Variants in SLC5A5 observed in about 807,000 individuals in gnomAD.
The protein encoded by SLC5A5 is solute carrier family 5 member 5.
In SLC5A5, 56 loss-of-function variants were observed where a neutral mutation model predicts 68.6. The observed-to-expected ratio is 0.82, with a 90% confidence interval of 0.66 to 1.02. SLC5A5 has a LOEUF of 1.02. Among genes scored for constraint, SLC5A5 ranks in the 50% least tolerant of loss-of-function variants. The pLI, the probability that SLC5A5 is intolerant of heterozygous loss-of-function variation, is 0.00. For missense variants in SLC5A5, 807 were observed against 859.8 expected (o/e 0.94, Z 0.77); for synonymous variants, 398 against 373.0 (o/e 1.07, Z -0.77).
chr19:17,889,314 G>A (rs958286049), intron 13 of SLC5A5, among the ~76,000 whole-genome samples: 1 of 151,802 alleles, frequency 6.6e-6, no homozygotes, highest in African/African-American at 2.4e-5. Flanking sequence ...TAAGGGAATC[G>A]CTTGATCCTG....
chr19:17,893,029 G>A (rs9676273), intron 14 of SLC5A5, among the ~76,000 whole-genome samples: 2 of 120,280 alleles, frequency 1.7e-5, no homozygotes, highest in Non-Finnish European at 3.6e-5. Flanking sequence ...CTCTTTTTTT[G>A]TTCTTTATTA....
chr19:17,894,143 CTTTTTTTTTTT>C lies in SLC5A5; in HGVS notation c.*278_*288del. The C allele has an allele frequency of 1.1e-5, 3 of 262,702 alleles. No individual in the cohort carries two copies. The highest frequency in any genetic ancestry group is 5.7e-5 in the Admixed American group (1 of 17,496). 16.3% of individuals were successfully genotyped at this position (262,702 alleles called of 1,614,324 possible). On this transcript the variant is annotated 3_prime_UTR_variant, in exon 15 of 15. Coordinates refer to ENST00000222248, the MANE Select transcript of SLC5A5 (RefSeq NM_000453.3). ...AATAAGGCTGGGTTTTTCTCTCTCT[CTTTTTTTTTTT>C]TTTTTTTTTTTGAGACAGGGTCATG...
At position 17,882,265 on chromosome 19, in the gene SLC5A5, G is replaced by A. The variant is rs376488493; in HGVS notation, c.1242+46G>A. ...TGCCCTGGTCTCCTGAGAGGTGGGG[G>A]CACCTTTCCCTCTTTCCCATTAAAC... On this transcript the variant is annotated intron_variant, in intron 10 of 14. Coordinates refer to ENST00000222248, the MANE Select transcript of SLC5A5 (RefSeq NM_000453.3). 1.9e-5 allele frequency: 28 copies of A among 1,466,596 alleles called. 1 individual carries two copies. Among genetic ancestry groups the A allele is most frequent in the Middle Eastern group, 4.2e-4 (2 of 4,710 alleles). The allele number at this position is 1,466,596 out of a possible 1,614,324, so 90.8% of individuals were successfully genotyped here. A position where few individuals can be genotyped will look rare whatever the true frequency, so the allele number is the denominator to read the frequency against.
Position 17,877,966 on chromosome 19 carries a change from C to A in SLC5A5, c.842C>A (p.Ala281Asp), listed in dbSNP as rs538646910. ...ACRTEKQAKL[A>D]LLINQVGLFL... Reference sequence around the variant, plus strand: ...CCTGAGGCTGCCTCTTCCCCCAGGGCCCTGCTCATCAACCAGGTCGGCCTG... The same window carrying A: ...CCTGAGGCTGCCTCTTCCCCCAGGGACCTGCTCATCAACCAGGTCGGCCTG... Residue 281 changes from alanine to aspartate, a missense_variant and splice_region_variant, in exon 7 of 15, where the codon GCC becomes GAC. By Grantham distance (126) the Ala-to-Asp change is moderately radical (BLOSUM62 -2). Transcript: ENST00000222248. 1.2e-6 allele frequency: 2 copies of A among 1,613,482 alleles called. No individual in the cohort carries two copies. Among genetic ancestry groups the A allele is most frequent in the East Asian group, 2.2e-5 (1 of 44,896 alleles).
At chr19:17,876,487 G>C (rs1468654115) in intron 5 of SLC5A5, among the ~76,000 whole-genome samples, 3 of 151,946 alleles carry the variant, frequency 2.0e-5, no homozygotes, top group African/African-American at 7.3e-5. Context: ...CAGCACTTTG[G>C]GAGGCCAAGG....
At chr19:17,877,187 A>AGAGTTTTTAAGTGCCTTT in intron 5 of SLC5A5, among the ~76,000 whole-genome samples, 1 of 151,900 alleles carries the variant, frequency 6.6e-6, no homozygotes, top group Non-Finnish European at 1.5e-5. Flanking sequence ...TCAGCTGGGC[A>AGAGTTTTTAAGTGCCTTT]AAGAAAGGTT....
At position 17,880,964 on chromosome 19, in the gene SLC5A5, C is replaced by T. The variant is rs943575353; in HGVS notation, c.1058+11C>T. 6 of 1,603,366 alleles carry T rather than the reference C, an allele frequency of 3.7e-6. No homozygotes were observed. Among genetic ancestry groups the T allele is most frequent in the Non-Finnish European group, 4.3e-6 (5 of 1,170,418 alleles). ...CAGTGGCACCCTCAGGTGAGCACCC[C>T]TGCTTGTTCATGGAGCATTATTTCA... On this transcript the variant is annotated intron_variant, in intron 8 of 14. Coordinates refer to ENST00000222248, the MANE Select transcript of SLC5A5 (RefSeq NM_000453.3).
intron 5 of SLC5A5, among the ~76,000 whole-genome samples, chr19:17,877,292 T>A (rs1420963051): frequency 6.6e-6 from 1 of 151,896 alleles, no homozygotes; most frequent in African/African-American, 2.4e-5. Flanking sequence ...CATTTATTAT[T>A]TATTTATTTT....
At position 17,883,757 on chromosome 19, in the gene SLC5A5, GCAACACA is replaced by G. The variant is rs764557378; in HGVS notation, c.1321_1327del (p.Asn441ArgfsTer7). 3.3e-6 allele frequency: 4 copies of G among 1,213,446 alleles called. No individual in the cohort carries two copies. In the South Asian group the frequency reaches 4.8e-5, roughly 14 times the overall value. 75.2% of individuals were successfully genotyped at this position (1,213,446 alleles called of 1,614,324 possible). On this transcript the variant is annotated frameshift_variant, in exon 11 of 15. Coordinates refer to ENST00000222248, the MANE Select transcript of SLC5A5 (RefSeq NM_000453.3). Reference sequence around the variant, plus strand: ...ATCTTGGGAATGTTCCTGCCGGCCTGCAACACACCGGTGAGTGGGGGCGGGGCAAGGG... The same window carrying G: ...ATCTTGGGAATGTTCCTGCCGGCCTGCCGGTGAGTGGGGGCGGGGCAAGGG...
At chr19:17,877,682 G>A (rs769183809) in intron 5 of SLC5A5, 41 bp from the exon 6 acceptor site, 9 of 1,612,496 alleles carry the variant, frequency 5.6e-6, no homozygotes, top group African/African-American at 1.3e-5. Flanking sequence ...TGAAGTCAGC[G>A]TGACATCTCC....
Position 17,880,865 on chromosome 19 carries a change from T to A in SLC5A5, c.970T>A (p.Tyr324Asn), listed in dbSNP as rs766687061. ...GAGGCTGACCCCCAGTTCTCCCCAG[T>A]ACATGCCTCTGCTGGTGCTGGACAT... ...LLGRISAPDQ[Y>N]MPLLVLDIFE... Residue 324 changes from tyrosine to asparagine, a missense_variant and splice_region_variant, in exon 8 of 15, where the codon TAC becomes AAC. Physicochemically the swap from Tyr to Asn is moderately radical, Grantham distance 143. Transcript: ENST00000222248. 2 of 1,612,534 alleles carry A rather than the reference T, an allele frequency of 1.2e-6. No individual in the cohort carries two copies. The highest frequency in any genetic ancestry group is 1.7e-6 in the Non-Finnish European group (2 of 1,179,112).
Position 17,874,192 on chromosome 19 carries a change from A to T in SLC5A5, c.412A>T (p.Ile138Phe), listed in dbSNP as rs752392336. The change falls in exon 2 of 15, where the codon ATT becomes TTT. Residue 138 changes from isoleucine (I) to phenylalanine (F), a missense_variant. Ile to Phe is a conservative substitution (Grantham distance 21). Transcript: ENST00000222248. The part of the protein sequence containing the change: ...AVRLCGTLQY[I>F]VATMLYTGIV... ...GCGGCTCTGCGGGACTTTGCAGTAC[A>T]TTGTAGCCACGGTGAGTGGCCTCGG... is the stretch of plus-strand genomic sequence containing the variant. 1 of 1,610,838 alleles carries T rather than the reference A, an allele frequency of 6.2e-7. No homozygotes were observed. The highest frequency in any genetic ancestry group is 2.2e-5 in the East Asian group (1 of 44,854).
At chr19:17,887,891 C>T (rs2029984370) in intron 12 of SLC5A5, among the ~76,000 whole-genome samples, 1 of 152,168 alleles carries the variant, frequency 6.6e-6, no homozygotes, top group African/African-American at 2.4e-5. Flanking sequence ...CAGGTGTGAG[C>T]CACCACGCCC....
intron 1 of SLC5A5, among the ~76,000 whole-genome samples, chr19:17,873,180 GC>G (rs1401446107): frequency 2.0e-5 from 3 of 152,264 alleles, no homozygotes; most frequent in Admixed American, 2.0e-4. Context: ...CGTGACCGGG[GC>G]CCGGTGCGGT....
chr19:17,889,109 G>A (rs975725857), intron 13 of SLC5A5, among the ~76,000 whole-genome samples: 7 of 151,762 alleles, frequency 4.6e-5, no homozygotes, highest in African/African-American at 1.4e-4. Context: ...TTAAAGGGAC[G>A]GGGTCGACTG....
At position 17,881,079 on chromosome 19, in the gene SLC5A5, C is replaced by T. The variant is rs185729562; in HGVS notation, c.1058+126C>T. The T allele has an allele frequency of 3.9e-6, 3 of 771,386 alleles. No individual in the cohort carries two copies. The East Asian group carries it at 7.8e-5, about 20-fold the overall frequency. The allele number at this position is 771,386 out of a possible 1,614,324, so 47.8% of individuals were successfully genotyped here. On this transcript the variant is annotated intron_variant, in intron 8 of 14. Coordinates refer to ENST00000222248, the MANE Select transcript of SLC5A5 (RefSeq NM_000453.3). The stretch of plus-strand genomic sequence containing the variant: ...CCATCAGTCCCAGTTCCTGCTTGAT[C>T]CCTAGAAGACAGCTCAGGTAGGCGC...
intron 1 of SLC5A5, among the ~76,000 whole-genome samples, 199 bp downstream of exon 1, chr19:17,872,875 G>A (rs2094297784): frequency 6.6e-6 from 1 of 152,188 alleles, no homozygotes. Flanking sequence ...GGGCAGGAAG[G>A]AGGAAGAGAG....
In SLC5A5 at chr19:17,872,311, C is replaced by G; in HGVS notation, c.-9C>G. 1.3e-6 allele frequency: 2 copies of G among 1,570,272 alleles called. No homozygotes were observed. The highest frequency in any genetic ancestry group is 1.7e-6 in the Non-Finnish European group (2 of 1,158,970). ...TCCGAGGACGCGCTGGGCCTCCGCACCCGCCCTCATGGAGGCCGTGGAGAC... is the reference window on the plus strand; with the variant it reads ...TCCGAGGACGCGCTGGGCCTCCGCAGCCGCCCTCATGGAGGCCGTGGAGAC... On this transcript the variant is annotated 5_prime_UTR_variant, in exon 1 of 15. Transcript: ENST00000222248.
chr19:17,890,091 A>T (rs1053419357), intron 13 of SLC5A5, among the ~76,000 whole-genome samples: 1 of 150,834 alleles, frequency 6.6e-6, no homozygotes, highest in African/African-American at 2.4e-5. Context: ...TTTTTTTGAG[A>T]TGGAGTTTCA....
Sources: allele counts gnomAD v4.1 joint callset (sites outside exome capture counted in the v4.1 genomes callset), GRCh38; gene constraint gnomAD v4.1.1; transcripts MANE v1.5; gene names NCBI Gene and HGNC (gene_info 2026-07-23, HGNC 2026-07-21).